Variants in HTR4 observed in about 807,000 individuals in gnomAD.
HTR4 encodes the protein 5-hydroxytryptamine (serotonin) receptor 4, G protein-coupled.
HTR4 carries 16 observed loss-of-function variants against 36.8 expected under a neutral mutation model. The ratio of observed to expected loss-of-function variants is 0.43; its 90% CI spans 0.29 to 0.66. The LOEUF (loss-of-function observed/expected upper bound fraction) is 0.66. Ranked by LOEUF, HTR4 falls within the 30% of genes least tolerant of loss-of-function variation. The pLI, the probability that HTR4 is intolerant of heterozygous loss-of-function variation, is 0.13. For synonymous variants in HTR4, 189 were observed against 185.1 expected (o/e 1.02, Z -0.17); for missense variants, 438 against 490.9 (o/e 0.89, Z 1.02).
chr5:148,482,797 A>C lies in HTR4; in HGVS notation c.*406T>G, dbSNP rs148009149. On this transcript the variant is annotated 3_prime_UTR_variant, in exon 7 of 7. Coordinates refer to ENST00000377888, the MANE Select transcript of HTR4 (RefSeq NM_000870.7). Reference sequence around the variant, plus strand: ...GGAACAGAGAGGGAGTATTTTGTTGATATCTGGAAGCCCACACAGCAAAGA... The same window carrying C: ...GGAACAGAGAGGGAGTATTTTGTTGCTATCTGGAAGCCCACACAGCAAAGA... 4.8e-6 allele frequency: 5 copies of C among 1,048,806 alleles called. No homozygotes were observed. The highest frequency in any genetic ancestry group is 5.8e-6 in the Non-Finnish European group (5 of 866,212). 65.0% of individuals were successfully genotyped at this position (1,048,806 alleles called of 1,614,324 possible).
At position 148,654,112 on chromosome 5, in the gene HTR4, C is replaced by A; in HGVS notation, c.-98G>T. On this transcript the variant is annotated 5_prime_UTR_variant, in exon 1 of 7. Transcript: ENST00000377888. Reference sequence around the variant, plus strand: ...GTGCCCTGGCAGATTCGAGCGGCCACCCCCAGCCGCTGAGCCGAGCTTCTG... The same window carrying A: ...GTGCCCTGGCAGATTCGAGCGGCCAACCCCAGCCGCTGAGCCGAGCTTCTG... 4.1e-6 allele frequency: 4 copies of A among 985,504 alleles called. No homozygotes were observed. The highest frequency in any genetic ancestry group is 4.8e-6 in the Non-Finnish European group (4 of 829,956). 61.0% of individuals were successfully genotyped at this position (985,504 alleles called of 1,614,324 possible). A position where few individuals can be genotyped will look rare whatever the true frequency, so the allele number is the denominator to read the frequency against.
chr5:148,497,915 C>G (rs892379930), intron 6 of HTR4, among the ~76,000 whole-genome samples: 1 of 152,200 alleles, frequency 6.6e-6, no homozygotes, highest in Non-Finnish European at 1.5e-5. Flanking sequence ...ACCTATATGT[C>G]TAGACAAATG....
chr5:148,531,297 A>G (rs6882417), intron 4 of HTR4, among the ~76,000 whole-genome samples: 31,025 of 151,908 alleles, frequency 0.2, 4,907 homozygotes, highest in African/African-American at 0.44. Flanking sequence ...GTTGTGGGAG[A>G]AACCCGGTTG....
At chr5:148,526,404 G>A (rs1032079694) in intron 4 of HTR4, among the ~76,000 whole-genome samples, 4 of 152,124 alleles carry the variant, frequency 2.6e-5, no homozygotes, top group Admixed American at 2.0e-4. Context: ...AGGCAATAGA[G>A]GGATAAATGA....
intron 5 of HTR4, among the ~76,000 whole-genome samples, chr5:148,470,104 A>G (rs948105680): frequency 2.0e-5 from 3 of 152,228 alleles, no homozygotes; most frequent in Non-Finnish European, 2.9e-5. Context: ...TTGAGAACCT[A>G]TTGTGAGAAG....
At chr5:148,575,360 T>C (rs1760850850) in intron 2 of HTR4, among the ~76,000 whole-genome samples, 1 of 152,068 alleles carries the variant, frequency 6.6e-6, no homozygotes, top group South Asian at 2.1e-4. Context: ...CCCTCCCTTC[T>C]CCCTTTCTTT....
intron 6 of HTR4, among the ~76,000 whole-genome samples, chr5:148,501,434 T>C (rs1756929891): frequency 6.6e-6 from 1 of 152,248 alleles, no homozygotes; most frequent in South Asian, 2.1e-4. Context: ...TTTGGTTTTA[T>C]ATTTCTTCAA....
At position 148,490,452 on chromosome 5, in the gene HTR4, C is replaced by T. The variant is rs1483915202; in HGVS notation, c.1077-7159G>A. Reference sequence around the variant, plus strand: ...CATTAGTAATATTTCCAGAAATTCTCCAGCTTCAACCAAACAAAATGTTAC... The same window carrying T: ...CATTAGTAATATTTCCAGAAATTCTTCAGCTTCAACCAAACAAAATGTTAC... On this transcript the variant is annotated intron_variant, in intron 6 of 6. Transcript: ENST00000377888. 1.4e-5 allele frequency: 6 copies of T among 423,904 alleles called. No homozygotes were observed. The Admixed American group carries it at 3.2e-4, about 23-fold the overall frequency. The allele number at this position is 423,904 out of a possible 1,614,324, so 26.3% of individuals were successfully genotyped here. A position where few individuals can be genotyped will look rare whatever the true frequency, so the allele number is the denominator to read the frequency against.
intron 6 of HTR4, among the ~76,000 whole-genome samples, chr5:148,488,108 T>C (rs1286885864): frequency 6.6e-6 from 1 of 152,188 alleles, no homozygotes; most frequent in African/African-American, 2.4e-5. Flanking sequence ...AGATTTGTAA[T>C]AAGTTATCAG....
At chr5:148,513,988 T>C (rs1232147599) in intron 5 of HTR4, among the ~76,000 whole-genome samples, 3 of 152,212 alleles carry the variant, frequency 2.0e-5, no homozygotes, top group Non-Finnish European at 4.4e-5. Flanking sequence ...CTAAGTTAGA[T>C]ATCAACTAAA....
At chr5:148,531,447 C>T (rs1295613676) in intron 4 of HTR4, among the ~76,000 whole-genome samples, 1 of 152,156 alleles carries the variant, frequency 6.6e-6, no homozygotes, top group African/African-American at 2.4e-5. Context: ...GTGAGATGTG[C>T]CTTTCCCCTT....
chr5:148,629,933 T>G (rs753290186), intron 2 of HTR4: 1 of 152,190 alleles, frequency 6.6e-6, no homozygotes, highest in African/African-American at 2.4e-5. Flanking sequence ...GTTTTCCAAA[T>G]GAGAGATTCA....
chr5:148,499,967 C>T (rs935754321), intron 6 of HTR4, among the ~76,000 whole-genome samples: 2 of 152,152 alleles, frequency 1.3e-5, no homozygotes, highest in Non-Finnish European at 2.9e-5. Context: ...TGAGGCCTCA[C>T]CAGAAGCTGA....
At chr5:148,513,358 G>A (rs1388326689) in intron 5 of HTR4, among the ~76,000 whole-genome samples, 3 of 152,118 alleles carry the variant, frequency 2.0e-5, no homozygotes, top group Admixed American at 6.6e-5. Context: ...TACAAGATAT[G>A]GATATTGAAT....
downstream of HTR4, among the ~76,000 whole-genome samples, chr5:148,474,967 C>G (rs763186842): frequency 9.5e-4 from 144 of 152,106 alleles, 1 homozygote; most frequent in Non-Finnish European, 2.5e-4. Context: ...ATTGCTGGAA[C>G]CCGGGAGGCA....
intron 2 of HTR4, among the ~76,000 whole-genome samples, chr5:148,617,279 T>C (rs1415461357): frequency 6.6e-6 from 1 of 152,186 alleles, no homozygotes; most frequent in African/African-American, 2.4e-5. Flanking sequence ...TGCTTCACCT[T>C]CTGCCATGAG....
intron 1 of HTR4, among the ~76,000 whole-genome samples, chr5:148,652,025 AATGATGCT>A (rs1340611090): frequency 1.3e-5 from 2 of 152,198 alleles, no homozygotes; most frequent in Non-Finnish European, 2.9e-5. Context: ...TATGTCACTC[AATGATGCT>A]ATAGTCATTA....
intron 4 of HTR4, among the ~76,000 whole-genome samples, chr5:148,538,634 A>T (rs1033717028): frequency 1.3e-5 from 2 of 152,154 alleles, no homozygotes; most frequent in Non-Finnish European, 2.9e-5. Context: ...AACTGCCGCA[A>T]AAAGAATAAA....
intron 2 of HTR4, chr5:148,628,664 C>A (rs1433760853): frequency 6.6e-6 from 1 of 152,186 alleles, no homozygotes; most frequent in African/African-American, 2.4e-5. Flanking sequence ...GGAAAAATCA[C>A]TTAATCCTCT....
Sources: gnomAD v4.1 joint callset for allele counts (sites outside exome capture counted in the v4.1 genomes callset) on GRCh38, gnomAD v4.1.1 for gene constraint, MANE v1.5 for transcripts, NCBI Gene and HGNC (gene_info 2026-07-23, HGNC 2026-07-21) for gene names.